NMBR: variants seen among roughly 807,000 people sequenced by gnomAD.
NMBR encodes the protein neuromedin-B receptor.
A neutral mutation model predicts 20.5 loss-of-function variants in NMBR; 16 were observed. The ratio of observed to expected loss-of-function variants is 0.78; its 90% CI spans 0.53 to 1.19. The LOEUF (loss-of-function observed/expected upper bound fraction) is 1.19. Ranked by LOEUF, NMBR falls within the 50% of genes most tolerant of loss-of-function variation. The pLI is 0.00. For synonymous variants in NMBR, 212 were observed against 196.6 expected (o/e 1.08, Z -0.65); for missense variants, 582 against 499.1 (o/e 1.17, Z -1.58).
At chr6:142,104,028 AGAATT>A (rs1777612106) in intron 1 of NMBR, among the ~76,000 whole-genome samples, 1 of 152,140 alleles carries the variant, frequency 6.6e-6, no homozygotes, top group Non-Finnish European at 1.5e-5. Flanking sequence ...AAACTGCATT[AGAATT>A]AGGCAATTAA....
At chr6:142,091,761 A>C (rs1440167863) in intron 1 of NMBR, among the ~76,000 whole-genome samples, 3 of 151,656 alleles carry the variant, frequency 2.0e-5, no homozygotes, top group African/African-American at 7.2e-5. Flanking sequence ...CAATTATGTC[A>C]AAAAAATGTG....
At chr6:142,134,618 G>T (rs1412952339) in intron 1 of NMBR, 2 of 678,914 alleles carry the variant, frequency 2.9e-6, no homozygotes, top group African/African-American at 3.6e-5. Flanking sequence ...AATCAAGAAT[G>T]CATTCTTCAA....
intron 3 of NMBR, among the ~76,000 whole-genome samples, chr6:142,076,698 A>G (rs1221094558): frequency 1.3e-5 from 2 of 152,250 alleles, no homozygotes; most frequent in Admixed American, 1.3e-4. Flanking sequence ...TGTAATAAAT[A>G]GGCAAAATTC....
At chr6:142,109,784 T>C (rs567424784) in intron 1 of NMBR, among the ~76,000 whole-genome samples, 1 of 152,118 alleles carries the variant, frequency 6.6e-6, no homozygotes, top group South Asian at 2.1e-4. Flanking sequence ...GAGAAGTGAT[T>C]AGGTCATAAG....
Position 142,147,103 on chromosome 6 carries a change from G to A in NMBR, c.-723C>T, listed in dbSNP as rs886660384. ...CGCCAAAATGCTCGGGTCTTCTGTG[G>A]GTTCTAACCGCCGAGAGCCAAGCAC... On this transcript the variant is annotated 5_prime_UTR_variant, in exon 1 of 4. Coordinates refer to ENST00000258042, the MANE Select transcript of NMBR (RefSeq NM_002511.4). 5 of 614,038 alleles carry A rather than the reference G, an allele frequency of 8.1e-6. No individual in the cohort carries two copies. The Admixed American group carries it at 1.4e-4, about 17-fold the overall frequency. 38.0% of individuals were successfully genotyped at this position (614,038 alleles called of 1,614,324 possible).
intron 2 of NMBR, among the ~76,000 whole-genome samples, chr6:142,087,105 A>G (rs1777213620): frequency 6.6e-6 from 1 of 152,210 alleles, no homozygotes; most frequent in East Asian, 1.9e-4. Context: ...GGTTTTTAAG[A>G]AAGTGAATCA....
At chr6:142,120,399 T>A (rs1447360464) in intron 1 of NMBR, among the ~76,000 whole-genome samples, 1 of 151,712 alleles carries the variant, frequency 6.6e-6, no homozygotes, top group African/African-American at 2.4e-5. Flanking sequence ...GAACCAGAGA[T>A]CAATGTTGGA....
At chr6:142,115,390 G>A (rs147273667) in intron 1 of NMBR, among the ~76,000 whole-genome samples, 47 of 152,154 alleles carry the variant, frequency 3.1e-4, no homozygotes, top group African/African-American at 7.9e-4. Context: ...GTTAGGATTG[G>A]CTGAAGCATA....
chr6:142,080,307 A>G (rs1777068607), intron 2 of NMBR, among the ~76,000 whole-genome samples: 1 of 132,288 alleles, frequency 7.6e-6, no homozygotes, highest in South Asian at 2.4e-4. Flanking sequence ...TTCTTGCCCT[A>G]TATCTTTTTT....
intron 1 of NMBR, among the ~76,000 whole-genome samples, chr6:142,137,938 T>C (rs1778291602): frequency 6.6e-6 from 1 of 151,960 alleles, no homozygotes; most frequent in South Asian, 2.1e-4. Context: ...TAAAAAATGC[T>C]ATGGATTATA....
At chr6:142,076,433 A>T (rs905417795) in intron 3 of NMBR, among the ~76,000 whole-genome samples, 8 of 152,168 alleles carry the variant, frequency 5.3e-5, no homozygotes, top group African/African-American at 1.9e-4. Flanking sequence ...TAGGTGTTTT[A>T]AAAAAATCAG....
At chr6:142,145,096 G>A (rs1778410795) in intron 1 of NMBR, among the ~76,000 whole-genome samples, 1 of 151,566 alleles carries the variant, frequency 6.6e-6, no homozygotes, top group Non-Finnish European at 1.5e-5. Flanking sequence ...AGCATGTGTT[G>A]GCAGATCAGA....
chr6:142,078,469 T>C, intron 3 of NMBR, 86 bp downstream of exon 3: 1 of 744,520 alleles, frequency 1.3e-6, no homozygotes, highest in South Asian at 1.8e-5. Flanking sequence ...TCCTCAGTCA[T>C]AGGATTAAAA....
At chr6:142,085,449 G>T (rs1488601756) in intron 2 of NMBR, among the ~76,000 whole-genome samples, 1 of 151,956 alleles carries the variant, frequency 6.6e-6, no homozygotes, top group Non-Finnish European at 1.5e-5. Flanking sequence ...GCTTGAACCT[G>T]GGAGGCAGAG....
At chr6:142,133,621 T>C (rs1013653418) in intron 1 of NMBR, among the ~76,000 whole-genome samples, 5 of 152,158 alleles carry the variant, frequency 3.3e-5, no homozygotes, top group African/African-American at 1.2e-4. Context: ...ATTTCCAAAA[T>C]TACACATTTG....
chr6:142,101,969 G>A (rs1777572664), intron 1 of NMBR, among the ~76,000 whole-genome samples: 1 of 152,072 alleles, frequency 6.6e-6, no homozygotes, highest in African/African-American at 2.4e-5. Context: ...AGAGAATATA[G>A]CACACCAGGG....
rs9496254 is a variant in NMBR, at chr6:142,075,109, T to C, written c.*539A>G. Among the ~76,000 whole-genome samples, 425 of 149,962 alleles carry C rather than the reference T, an allele frequency of 2.8e-3. 2 individuals carry two copies. Among genetic ancestry groups the C allele is most frequent in the African/African-American group, 8.0e-3 (329 of 40,872 alleles). ...ACATATATACATATACATATATATA[T>C]ACACACACACACACACTCATGCAAT... On this transcript the variant is annotated 3_prime_UTR_variant, in exon 4 of 4. Coordinates refer to ENST00000258042, the MANE Select transcript of NMBR (RefSeq NM_002511.4).
intron 1 of NMBR, among the ~76,000 whole-genome samples, chr6:142,132,861 C>CTGG (rs1778169263): frequency 1.3e-5 from 2 of 151,790 alleles, no homozygotes; most frequent in African/African-American, 2.4e-5. Context: ...TGCTGGCACT[C>CTGG]CTGGCTGGCT....
intron 1 of NMBR, among the ~76,000 whole-genome samples, chr6:142,124,224 A>G (rs1361832766): frequency 1.3e-5 from 2 of 151,952 alleles, no homozygotes. Flanking sequence ...TAGACTTGTT[A>G]GGTAATTTTT....
Sources: gnomAD v4.1 joint callset for allele counts (sites outside exome capture counted in the v4.1 genomes callset) on GRCh38, gnomAD v4.1.1 for gene constraint, MANE v1.5 for transcripts, NCBI Gene and HGNC (gene_info 2026-07-23, HGNC 2026-07-21) for gene names.